The following DTNBP1 variants were observed in gnomAD, a reference collection of about 807,000 sequenced individuals.
The protein encoded by DTNBP1 is dystrobrevin binding protein 1, also known as dysbindin.
In DTNBP1, 35 loss-of-function variants were observed where a neutral mutation model predicts 42.8. The observed-to-expected ratio is 0.82, with a 90% CI of 0.63 to 1.09. DTNBP1 has a LOEUF of 1.09. Ranked by LOEUF, DTNBP1 falls within the 50% of genes least tolerant of loss-of-function variation. The pLI, the probability that DTNBP1 is intolerant of heterozygous loss-of-function variation, is 0.00. For synonymous variants in DTNBP1, 171 were observed against 162.2 expected (o/e 1.05, Z -0.41); for missense variants, 457 against 424.2 (o/e 1.08, Z -0.68).
intron 4 of DTNBP1, among the ~76,000 whole-genome samples, chr6:15,629,383 A>G (rs1457851177): frequency 6.6e-6 from 1 of 152,144 alleles, no homozygotes; most frequent in Non-Finnish European, 1.5e-5. Flanking sequence ...ATAATTTTAG[A>G]TATTAAAAAT....
chr6:15,535,787 G>A (rs1032696550), intron 7 of DTNBP1, among the ~76,000 whole-genome samples: 1 of 152,184 alleles, frequency 6.6e-6, no homozygotes, highest in Non-Finnish European at 1.5e-5. Flanking sequence ...GGAAGATATG[G>A]GAAACTCTGG....
intron 6 of DTNBP1, among the ~76,000 whole-genome samples, chr6:15,604,886 C>T (rs992409056): frequency 4.6e-5 from 7 of 152,124 alleles, no homozygotes; most frequent in African/African-American, 7.2e-5. Flanking sequence ...GAGGCAGCAG[C>T]GACCACCACT....
intron 4 of DTNBP1, among the ~76,000 whole-genome samples, chr6:15,635,699 T>C (rs1408813193): frequency 6.6e-6 from 1 of 152,190 alleles, no homozygotes; most frequent in African/African-American, 2.4e-5. Context: ...ATTCTCTGCC[T>C]ATCAATTCTT....
chr6:15,595,292 T>C, intron 6 of DTNBP1: 1 of 415,336 alleles, frequency 2.4e-6, no homozygotes, highest in Non-Finnish European at 4.6e-6. Flanking sequence ...TGAGACAGAG[T>C]CTTGCTCTGT....
chr6:15,540,457 A>G (rs1290939751), intron 7 of DTNBP1, among the ~76,000 whole-genome samples: 1 of 152,204 alleles, frequency 6.6e-6, no homozygotes, highest in Non-Finnish European at 1.5e-5. Context: ...CAGAATTAAG[A>G]TTTTCTGTAG....
chr6:15,524,430 CG>C, intron 9 of DTNBP1, 95 bp downstream of exon 9: 1 of 1,614,120 alleles, frequency 6.2e-7, no homozygotes, highest in Non-Finnish European at 8.5e-7. Context: ...GGGGTTTATG[CG>C]TAAGTGACTG....
chr6:15,554,759 A>AAG (rs1262288137), intron 7 of DTNBP1, among the ~76,000 whole-genome samples: 1 of 152,158 alleles, frequency 6.6e-6, no homozygotes, highest in African/African-American at 2.4e-5. Flanking sequence ...GTACAAAAAA[A>AAG]TGGTGGCATT....
chr6:15,586,174 A>G (rs1023986329), intron 7 of DTNBP1, among the ~76,000 whole-genome samples: 2 of 152,244 alleles, frequency 1.3e-5, no homozygotes, highest in African/African-American at 2.4e-5. Flanking sequence ...GAAAGTAGTA[A>G]CATAAAAATT....
intron 5 of DTNBP1, among the ~76,000 whole-genome samples, chr6:15,620,492 T>C (rs1758983895): frequency 6.6e-6 from 1 of 152,106 alleles, no homozygotes; most frequent in African/African-American, 2.4e-5. Flanking sequence ...CCAGCCTACA[T>C]TGTTTTTTGT....
chr6:15,534,732 C>G (rs1340147832), intron 7 of DTNBP1, among the ~76,000 whole-genome samples: 1 of 150,718 alleles, frequency 6.6e-6, no homozygotes, highest in African/African-American at 2.4e-5. Context: ...TTACAAAGTG[C>G]TTAATCTTGG....
At chr6:15,607,883 C>A (rs140425225) in intron 6 of DTNBP1, among the ~76,000 whole-genome samples, 1,584 of 152,308 alleles carry the variant, frequency 0.01, 25 homozygotes, top group African/African-American at 0.036. Context: ...GACAAGTAGT[C>A]CCTGCCCCAG....
At chr6:15,595,128 G>A (rs1013705778) in intron 6 of DTNBP1, 14 of 455,886 alleles carry the variant, frequency 3.1e-5, no homozygotes, top group African/African-American at 2.0e-4. Context: ...AACTGTCAGC[G>A]AAATTTCCAG....
intron 1 of DTNBP1, among the ~76,000 whole-genome samples, chr6:15,662,522 C>A (rs1238253147): frequency 6.6e-6 from 1 of 152,212 alleles, no homozygotes; most frequent in Non-Finnish European, 1.5e-5. Flanking sequence ...CTGATGCTGC[C>A]GGGAAAGGAC....
intron 7 of DTNBP1, among the ~76,000 whole-genome samples, chr6:15,578,678 A>C (rs1015553238): frequency 2.6e-5 from 4 of 152,250 alleles, no homozygotes; most frequent in African/African-American, 7.2e-5. Context: ...TATAATAAAA[A>C]CTGGAAGAAA....
At chr6:15,637,293 C>A (rs184585659) in intron 4 of DTNBP1, among the ~76,000 whole-genome samples, 1 of 152,088 alleles carries the variant, frequency 6.6e-6, no homozygotes, top group African/African-American at 2.4e-5. Flanking sequence ...CTGAGGATGA[C>A]CCCTGAAATT....
chr6:15,540,036 C>A (rs1294804421), intron 7 of DTNBP1, among the ~76,000 whole-genome samples: 1 of 152,190 alleles, frequency 6.6e-6, no homozygotes, highest in Non-Finnish European at 1.5e-5. Context: ...ATTATTTAAA[C>A]AACAGCCTCT....
intron 3 of DTNBP1, among the ~76,000 whole-genome samples, chr6:15,639,403 C>A (rs1029330425): frequency 6.6e-6 from 1 of 152,160 alleles, no homozygotes; most frequent in Admixed American, 6.5e-5. Flanking sequence ...AGCTATCCAG[C>A]GAATATTTCT....
chr6:15,542,509 T>C (rs1158357316), intron 7 of DTNBP1, among the ~76,000 whole-genome samples: 1 of 151,868 alleles, frequency 6.6e-6, no homozygotes, highest in East Asian at 1.9e-4. Context: ...GTAGCTGGGA[T>C]TACAGGCACA....
At chr6:15,653,696 A>G (rs1045834000) in intron 1 of DTNBP1, among the ~76,000 whole-genome samples, 2 of 152,258 alleles carry the variant, frequency 1.3e-5, no homozygotes, top group Admixed American at 1.3e-4. Flanking sequence ...GTAATATCAC[A>G]TAAAATGAGA....
Sources: allele counts gnomAD v4.1 joint callset (sites outside exome capture counted in the v4.1 genomes callset), GRCh38; gene constraint gnomAD v4.1.1; transcripts MANE v1.5; gene names NCBI Gene and HGNC (gene_info 2026-07-23, HGNC 2026-07-21).